The following AMPD3 variants were observed in gnomAD, a reference collection of about 807,000 sequenced individuals.
AMPD3 encodes AMP deaminase 3.
A neutral mutation model predicts 82.3 loss-of-function variants in AMPD3; 57 were observed. The observed-to-expected ratio is 0.69, with a 90% CI of 0.56 to 0.86. The LOEUF is 0.86. Among genes scored for constraint, AMPD3 ranks in the 40% least tolerant of loss-of-function variants. The pLI is 0.00. For synonymous variants in AMPD3, 381 were observed against 394.7 expected (o/e 0.97, Z 0.41); for missense variants, 870 against 1,003.8 (o/e 0.87, Z 1.80).
chr11:10,491,563 A>G (rs183392321), intron 6 of AMPD3, among the ~76,000 whole-genome samples: 32 of 152,352 alleles, frequency 2.1e-4, no homozygotes, highest in Admixed American at 7.2e-4. Context: ...CTGTGAATTC[A>G]GGCCTGAGAA....
chr11:10,470,331 A>G (rs1848552491), intron 2 of AMPD3, among the ~76,000 whole-genome samples: 1 of 152,250 alleles, frequency 6.6e-6, no homozygotes, highest in Non-Finnish European at 1.5e-5. Context: ...AAAAAGAGCT[A>G]TTTATGAAAA....
At chr11:10,494,654 G>A (rs1564853643) in intron 7 of AMPD3, 2 of 985,438 alleles carry the variant, frequency 2.0e-6, no homozygotes, top group East Asian at 1.1e-4. Flanking sequence ...GAGCCGAGCT[G>A]TGGTAACTTG....
rs1848927725 is a variant in AMPD3 at position 10,482,148 on chromosome 11, A to G, written c.512A>G (p.His171Arg). 6.2e-7 allele frequency: 1 copy of G among 1,614,012 alleles called. No homozygotes were observed. Among genetic ancestry groups the G allele is most frequent in the African/African-American group, 1.3e-5 (1 of 75,042 alleles). Residue 171 changes from histidine (H) to arginine (R), a missense_variant, in exon 4 of 15, where the codon CAC becomes CGC. By Grantham distance (29) the His-to-Arg change is conservative (BLOSUM62 0). Transcript: ENST00000396553. ...IREKYARLAY[H>R]RFPRITSQYL... ...GAGAAGTATGCGCGGCTCGCCTACC[A>G]CCGCTTCCCGCGGATCACATCCCAG... is the stretch of plus-strand genomic sequence containing the variant.
chr11:10,505,368 C>T (rs529025684), intron 14 of AMPD3: 1 of 844,850 alleles, frequency 1.2e-6, no homozygotes, highest in East Asian at 2.7e-4. Flanking sequence ...TTGTCCTTGT[C>T]AGCTCTCAGG....
At chr11:10,452,264 C>T (rs1564835359), upstream of AMPD3, among the ~76,000 whole-genome samples, 1 of 152,006 alleles carries the variant, frequency 6.6e-6, no homozygotes, top group African/African-American at 2.4e-5. Context: ...ATGTCATGGG[C>T]AGATAACATG....
chr11:10,487,927 G>T (rs1401096703), intron 6 of AMPD3, among the ~76,000 whole-genome samples: 4 of 151,864 alleles, frequency 2.6e-5, no homozygotes, highest in African/African-American at 9.7e-5. Flanking sequence ...GTTTACCTAT[G>T]TAACAAACCT....
intron 6 of AMPD3, among the ~76,000 whole-genome samples, chr11:10,490,078 T>C (rs1239326686): frequency 1.3e-5 from 2 of 152,152 alleles, no homozygotes; most frequent in African/African-American, 4.8e-5. Context: ...AAAGTGGCTA[T>C]TGGTGTCCCT....
At chr11:10,488,562 G>T in intron 6 of AMPD3, 1 of 387,352 alleles carries the variant, frequency 2.6e-6, no homozygotes, top group Non-Finnish European at 3.5e-6. Context: ...GCAGCGGGTT[G>T]TGGGGAGAGT....
At chr11:10,463,333 C>T (rs911709731) in intron 2 of AMPD3, among the ~76,000 whole-genome samples, 4 of 152,198 alleles carry the variant, frequency 2.6e-5, no homozygotes, top group African/African-American at 9.7e-5. Context: ...GGATGGTGAG[C>T]CCATAAAGGC....
upstream of AMPD3, among the ~76,000 whole-genome samples, chr11:10,451,492 G>C (rs1847961961): frequency 6.6e-6 from 1 of 152,204 alleles, no homozygotes; most frequent in Non-Finnish European, 1.5e-5. Context: ...GCTCTCTCCC[G>C]GCAAGGGAGG....
intron 7 of AMPD3, 115 bp downstream of exon 7, chr11:10,493,658 CTCT>C: frequency 8.5e-7 from 1 of 1,177,854 alleles, no homozygotes; most frequent in Non-Finnish European, 1.2e-6. Context: ...AAGCAGCTTT[CTCT>C]TCTATCTGAC....
intron 2 of AMPD3, among the ~76,000 whole-genome samples, chr11:10,464,445 A>C (rs1032200475): frequency 5.9e-5 from 9 of 152,190 alleles, no homozygotes; most frequent in Non-Finnish European, 1.2e-4. Flanking sequence ...TAGACCCCAC[A>C]CTTCAACCAT....
chr11:10,468,362 G>A (rs1367799609), intron 2 of AMPD3, among the ~76,000 whole-genome samples: 1 of 148,736 alleles, frequency 6.7e-6, no homozygotes, highest in African/African-American at 2.4e-5. Context: ...AAAAGCAGAA[G>A]TTGCAAGTTT....
rs1453416623 is a variant in AMPD3, at chr11:10,493,327, C to A, written c.940-22C>A. On this transcript the variant is annotated intron_variant, in intron 6 of 14. Transcript: ENST00000396553. ...CTAGGGGAGGTGGCCTGACTCAGGG[C>A]CTGGTGGGCGCTGTGTTCCAGGTGG... is the stretch of plus-strand genomic sequence containing the variant. The A allele has an allele frequency of 4.3e-6, 7 of 1,613,594 alleles. No homozygotes were observed. The African/African-American group carries it at 9.3e-5, about 22-fold the overall frequency.
rs1221852750 is a variant in AMPD3, at chr11:10,495,508, G to T, written c.1267-62G>T. 29 of 1,611,262 alleles carry T rather than the reference G, an allele frequency of 1.8e-5. No homozygotes were observed. In the East Asian group the frequency reaches 6.5e-4, roughly 36 times the overall value. On this transcript the variant is annotated intron_variant, in intron 8 of 14. Coordinates refer to ENST00000396553, the MANE Select transcript of AMPD3 (RefSeq NM_001025389.2). The stretch of plus-strand genomic sequence containing the variant: ...GCAACAGGACCCTGCTGGTGACGGA[G>T]AGTGAGAGTCTCCCATGTAGCTGGG...
rs369895481 is a variant in AMPD3 at position 10,501,172 on chromosome 11, C to T, written c.1722-298C>T. The T allele has an allele frequency of 3.2e-5, 32 of 985,360 alleles. No individual in the cohort carries two copies. The South Asian group carries it at 3.8e-4, about 12-fold the overall frequency. 61.0% of individuals were successfully genotyped at this position (985,360 alleles called of 1,614,324 possible). On this transcript the variant is annotated intron_variant, in intron 11 of 14. Transcript: ENST00000396553. ...TGGCCTTCCCTGCTCTGGAGTTCTACGAATGCGGGACACAAGGCCAGGAGA... is the reference window on the plus strand; with the variant it reads ...TGGCCTTCCCTGCTCTGGAGTTCTATGAATGCGGGACACAAGGCCAGGAGA...
At chr11:10,455,520 T>TG in intron 1 of AMPD3, 72 bp downstream of exon 1, 1 of 775,142 alleles carries the variant, frequency 1.3e-6, no homozygotes, top group Non-Finnish European at 1.6e-6. Context: ...TGTGTGTGGA[T>TG]GGGGGTGGGG....
chr11:10,489,956 C>T (rs369988858), intron 6 of AMPD3, among the ~76,000 whole-genome samples: 8 of 152,320 alleles, frequency 5.3e-5, no homozygotes, highest in South Asian at 2.1e-4. Flanking sequence ...GCTGAGATTA[C>T]AGGCGTGGGT....
intron 2 of AMPD3, among the ~76,000 whole-genome samples, chr11:10,466,863 C>T (rs775711341): frequency 6.6e-6 from 1 of 152,218 alleles, no homozygotes; most frequent in African/African-American, 2.4e-5. Context: ...GCAGTCTTTG[C>T]TGTTCTGCAG....
Sources: gnomAD v4.1 joint callset for allele counts (sites outside exome capture counted in the v4.1 genomes callset) on GRCh38, gnomAD v4.1.1 for gene constraint, MANE v1.5 for transcripts, NCBI Gene and HGNC (gene_info 2026-07-23, HGNC 2026-07-21) for gene names.